Variants in TMEM144 observed in about 807,000 individuals in gnomAD.
The protein encoded by TMEM144 is transmembrane protein 144.
Under a neutral mutation model 43.6 loss-of-function variants are expected in TMEM144, and 39 were observed. The observed-to-expected ratio is 0.90, with a 90% CI of 0.69 to 1.17. The LOEUF is 1.17. Ranked by LOEUF, TMEM144 falls within the 50% of genes most tolerant of loss-of-function variation. The probability of loss-of-function intolerance (pLI) is 0.00; values close to 1 mark genes in which losing one functional copy is unlikely to be tolerated. For missense variants in TMEM144, 417 were observed against 411.9 expected (o/e 1.01, Z -0.11); for synonymous variants, 154 against 133.6 (o/e 1.15, Z -1.06).
chr4:158,214,938 C>G (rs1214091897), intron 3 of TMEM144, among the ~76,000 whole-genome samples: 1 of 152,102 alleles, frequency 6.6e-6, no homozygotes, highest in Non-Finnish European at 1.5e-5. Context: ...TGGAGTCAAC[C>G]TGGGTTTAAA....
At chr4:158,242,775 G>A (rs1176809223) in intron 11 of TMEM144, among the ~76,000 whole-genome samples, 2 of 152,146 alleles carry the variant, frequency 1.3e-5, no homozygotes, top group African/African-American at 4.8e-5. Context: ...CTTAAGATAG[G>A]AGCGAGTTCA....
chr4:158,253,380 T>C, intron 12 of TMEM144, 64 bp from the exon 13 acceptor site: 5 of 1,373,182 alleles, frequency 3.6e-6, no homozygotes, highest in Non-Finnish European at 5.1e-6. Flanking sequence ...ATCTTGAGAG[T>C]CTGTCCATTT....
At chr4:158,234,897 A>C (rs1310568429) in intron 7 of TMEM144, 1 of 152,910 alleles carries the variant, frequency 6.5e-6, no homozygotes, top group Non-Finnish European at 1.5e-5. Flanking sequence ...GACAGTGAGT[A>C]ACTGAAACCA....
intron 12 of TMEM144, 27 bp from the exon 13 acceptor site, chr4:158,253,417 T>G: frequency 6.4e-7 from 1 of 1,566,154 alleles, no homozygotes; most frequent in Non-Finnish European, 8.8e-7. Context: ...GCCTTATTCA[T>G]CACTGTTATT....
At chr4:158,239,050 T>C (rs551743311) in intron 9 of TMEM144, among the ~76,000 whole-genome samples, 1 of 152,354 alleles carries the variant, frequency 6.6e-6, no homozygotes, top group East Asian at 1.9e-4. Context: ...TTCTTTGTTT[T>C]ACGATTGAGA....
At chr4:158,215,394 GCAAA>G (rs1241478219) in intron 4 of TMEM144, 81 bp downstream of exon 4, 16 of 1,503,132 alleles carry the variant, frequency 1.1e-5, no homozygotes, top group Admixed American at 7.8e-5. Flanking sequence ...AGGAAATAGC[GCAAA>G]CAGTGATTCT....
In TMEM144 at chr4:158,219,323, G is replaced by A. The variant is rs771173330; in HGVS notation, c.346G>A (p.Gly116Arg). The change falls in exon 6 of 13, where the codon GGA becomes AGA. Residue 116 changes from glycine (G) to arginine (R), a missense_variant. Physicochemically the swap from Gly to Arg is moderately radical, Grantham distance 125 (BLOSUM62 -2). Coordinates refer to ENST00000296529, the MANE Select transcript of TMEM144 (RefSeq NM_018342.5). ...CTGGATTTTCAGGTTTGGCTGGTTT[G>A]GATTGGATGCAGAAGAAGTATCAAA... ...GWASSRFGWF[G>R]LDAEEVSNPL... 118 of 1,613,644 alleles carry A rather than the reference G, an allele frequency of 7.3e-5. No homozygotes were observed. Among genetic ancestry groups the A allele is most frequent in the Non-Finnish European group, 9.9e-5 (117 of 1,179,802 alleles).
At position 158,219,341 on chromosome 4, in the gene TMEM144, G is replaced by A. The variant is rs1216202622; in HGVS notation, c.364G>A (p.Val122Ile). The A allele has an allele frequency of 6.2e-7, 1 of 1,613,778 alleles. No individual in the cohort carries two copies. The change falls in exon 6 of 13, where the codon GTA becomes ATA. Residue 122 changes from valine (V) to isoleucine (I), a missense_variant. Val to Ile is a conservative substitution (Grantham distance 29, BLOSUM62 3). Coordinates refer to ENST00000296529, the MANE Select transcript of TMEM144 (RefSeq NM_018342.5). ...CTGGTTTGGATTGGATGCAGAAGAA[G>A]TATCAAATCCGCTGCTAAATTACAT... ...FGWFGLDAEEVSNPLLNYIGA... is the reference protein window; with the variant it reads ...FGWFGLDAEEISNPLLNYIGA...
intron 12 of TMEM144, among the ~76,000 whole-genome samples, chr4:158,244,612 G>T (rs2111148030): frequency 6.6e-6 from 1 of 152,306 alleles, no homozygotes; most frequent in African/African-American, 2.4e-5. Context: ...GGAGGTTGCA[G>T]TGAGTCAAGA....
At chr4:158,244,229 T>C in intron 11 of TMEM144, 67 bp from the exon 12 acceptor site, 1 of 1,197,672 alleles carries the variant, frequency 8.3e-7, no homozygotes, top group African/African-American at 1.6e-5. Context: ...TCTAACTTAC[T>C]ATATTTATAT....
chr4:158,252,905 C>CT (rs1341419292), intron 12 of TMEM144, among the ~76,000 whole-genome samples: 2 of 152,054 alleles, frequency 1.3e-5, no homozygotes, highest in African/African-American at 4.8e-5. Context: ...CTCCACTTAA[C>CT]TTTGATTGCT....
At chr4:158,241,475 T>C in intron 10 of TMEM144, 34 bp from the exon 11 acceptor site, 1 of 1,537,306 alleles carries the variant, frequency 6.5e-7, no homozygotes, top group Non-Finnish European at 9.0e-7. Flanking sequence ...GAGGGGAACA[T>C]GGTCTGCAAA....
intron 12 of TMEM144, among the ~76,000 whole-genome samples, chr4:158,247,283 G>C (rs772887645): frequency 6.6e-6 from 1 of 151,978 alleles, no homozygotes; most frequent in Middle Eastern, 3.7e-3. Flanking sequence ...TGAAACATAA[G>C]AGTTCTCCAT....
chr4:158,217,110 T>G (rs1200248559), intron 4 of TMEM144, among the ~76,000 whole-genome samples: 3 of 152,162 alleles, frequency 2.0e-5, no homozygotes, highest in Non-Finnish European at 2.9e-5. Context: ...CTTTGTAGAC[T>G]TTTTTCCTAA....
At chr4:158,242,786 C>G (rs1735693764) in intron 11 of TMEM144, among the ~76,000 whole-genome samples, 3 of 152,146 alleles carry the variant, frequency 2.0e-5, no homozygotes, top group African/African-American at 7.2e-5. Context: ...AGCGAGTTCA[C>G]TTTGTTTTCA....
chr4:158,245,951 A>T (rs1040853334), intron 12 of TMEM144, among the ~76,000 whole-genome samples: 10 of 152,142 alleles, frequency 6.6e-5, no homozygotes, highest in African/African-American at 2.4e-4. Flanking sequence ...AAGAAAAAAA[A>T]AGAAAGAATA....
intron 6 of TMEM144, among the ~76,000 whole-genome samples, chr4:158,228,514 C>T (rs551604447): frequency 1.3e-5 from 2 of 152,320 alleles, no homozygotes; most frequent in East Asian, 1.9e-4. Flanking sequence ...ACTCCAAGTA[C>T]CAGTTCCTTC....
At chr4:158,219,120 A>T (rs879880559) in intron 5 of TMEM144, among the ~76,000 whole-genome samples, 190 bp from the exon 6 acceptor site, 6 of 152,122 alleles carry the variant, frequency 3.9e-5, no homozygotes, top group Admixed American at 1.3e-4. Context: ...CTCAAAAAAA[A>T]ATTTTTTTTT....
intron 12 of TMEM144, among the ~76,000 whole-genome samples, chr4:158,252,469 G>A (rs952355562): frequency 6.6e-6 from 1 of 152,152 alleles, no homozygotes; most frequent in Non-Finnish European, 1.5e-5. Context: ...GCAGAAAAGT[G>A]TGAGCTTTAC....
Sources: gnomAD v4.1 joint callset for allele counts (sites outside exome capture counted in the v4.1 genomes callset) on GRCh38, gnomAD v4.1.1 for gene constraint, MANE v1.5 for transcripts, NCBI Gene and HGNC (gene_info 2026-07-23, HGNC 2026-07-21) for gene names.